PIGQ: variants seen among roughly 807,000 people sequenced by gnomAD.
PIGQ encodes the protein phosphatidylinositol glycan anchor biosynthesis class Q.
A neutral mutation model predicts 60.3 loss-of-function variants in PIGQ; 54 were observed. The ratio of observed to expected loss-of-function variants is 0.90; its 90% CI spans 0.72 to 1.12. The LOEUF (loss-of-function observed/expected upper bound fraction) is 1.12, where lower values mean the gene tolerates loss of function less well. PIGQ is among the 50% of genes most tolerant of loss of function. The pLI, the probability that PIGQ is intolerant of heterozygous loss-of-function variation, is 0.00. For synonymous variants in PIGQ, 416 were observed against 363.7 expected (o/e 1.14, Z -1.64); for missense variants, 799 against 793.5 (o/e 1.01, Z -0.08).
chr16:572,218 A>G (rs1025795847), intron 1 of PIGQ, among the ~76,000 whole-genome samples: 39 of 152,342 alleles, frequency 2.6e-4, no homozygotes, highest in African/African-American at 9.1e-4. Context: ...CCTTGCAGGC[A>G]GAATCACTTT....
chr16:582,910 G>C lies in PIGQ; in HGVS notation c.1621G>C (p.Val541Leu), dbSNP rs747221267. Residue 541 changes from valine (V) to leucine (L), a missense_variant, in exon 11 of 11, where the codon GTG (valine) becomes CTG (leucine). Coordinates refer to ENST00000321878, the MANE Select transcript of PIGQ (RefSeq NM_004204.5). Reference protein sequence around the residue: ...QINPLPYSRVVHTYRLPSCGC... With the variant: ...QINPLPYSRVLHTYRLPSCGC... ...AAACCCACTGCCCTACAGCCGCGTG[G>C]TGCACACCTACCGCCTCCCCAGCTG... The C allele has an allele frequency of 6.2e-7, 1 of 1,611,206 alleles. No individual in the cohort carries two copies. The highest frequency in any genetic ancestry group is 8.5e-7 in the Non-Finnish European group (1 of 1,179,128).
At position 575,716 on chromosome 16, in the gene PIGQ, A is replaced by G. The variant is rs563301112; in HGVS notation, c.690-123A>G. The stretch of plus-strand genomic sequence containing the variant: ...ACCTGGGCCACCGAGGGCCCCTCCC[A>G]CCTGCCCCCTGTCCTGCTGAGCTCA... On this transcript the variant is annotated intron_variant, in intron 2 of 10. Transcript: ENST00000321878. 6.5e-4 allele frequency: 698 copies of G among 1,080,798 alleles called. 12 individuals carry two copies. The South Asian group carries it at 0.01, about 16-fold the overall frequency. 67.0% of individuals were successfully genotyped at this position (1,080,798 alleles called of 1,614,324 possible).
chr16:571,433 C>CTT (rs1567173616), intron 1 of PIGQ, among the ~76,000 whole-genome samples: 1 of 70,922 alleles, frequency 1.4e-5, no homozygotes, highest in East Asian at 7.1e-4. Context: ...GTCTGGTTAG[C>CTT]CTGTGTGTGT....
chr16:574,246 G>C lies in PIGQ; in HGVS notation c.172G>C (p.Val58Leu), dbSNP rs1238585762. The C allele has an allele frequency of 1.2e-6, 2 of 1,609,842 alleles. No homozygotes were observed. Among genetic ancestry groups the C allele is most frequent in the East Asian group, 4.5e-5 (2 of 44,864 alleles). The part of the protein sequence containing the change: ...LLAQVRQASQ[V>L]GVAVLGTWCH... ...GGCCCAGGTGCGGCAGGCCAGCCAGGTGGGCGTGGCCGTGCTGGGCACCTG... is the reference window on the plus strand; with the variant it reads ...GGCCCAGGTGCGGCAGGCCAGCCAGCTGGGCGTGGCCGTGCTGGGCACCTG... The change falls in exon 2 of 11, where the codon GTG (valine) becomes CTG (leucine). Residue 58 changes from valine to leucine, a missense_variant. Transcript: ENST00000321878.
At chr16:571,681 ACCTCCTC>A (rs1359856891) in intron 1 of PIGQ, among the ~76,000 whole-genome samples, 1 of 149,886 alleles carries the variant, frequency 6.7e-6, no homozygotes, top group East Asian at 2.0e-4. Context: ...CCCGTCCCAT[ACCTCCTC>A]TGCTATCGAT....
At chr16:572,300 T>C (rs1324647073) in intron 1 of PIGQ, among the ~76,000 whole-genome samples, 3 of 152,200 alleles carry the variant, frequency 2.0e-5, no homozygotes, top group African/African-American at 7.2e-5. Context: ...CTGCCCTCTC[T>C]GACCACTGAG....
At chr16:582,856 C>T (rs746372851) in intron 10 of PIGQ, 27 bp from the exon 11 acceptor site, 1 of 1,573,152 alleles carries the variant, frequency 6.4e-7, no homozygotes, top group Non-Finnish European at 8.6e-7. Context: ...CAGACCACCC[C>T]ACTGACCGCT....
intron 2 of PIGQ, among the ~76,000 whole-genome samples, chr16:575,037 T>C (rs1460321907): frequency 6.6e-6 from 1 of 152,158 alleles, no homozygotes; most frequent in Non-Finnish European, 1.5e-5. Context: ...CCTCAGTGGC[T>C]TAGGTCCCTG....
At position 573,619 on chromosome 16, in the gene PIGQ, G is replaced by A. The variant is rs547081362; in HGVS notation, c.-9-447G>A. 4.6e-5 allele frequency among the ~76,000 whole-genome samples: 7 copies of A among 152,328 alleles called. 1 individual carries two copies. The highest frequency in any genetic ancestry group is 1.3e-4 in the Admixed American group (2 of 15,308). On this transcript the variant is annotated intron_variant, in intron 1 of 10. Transcript: ENST00000321878. ...ATGGTTTGTCAAGGTTTCAATTGGC[G>A]TGACCTTGCTAATGAGATTGTACAG...
intron 8 of PIGQ, 74 bp from the exon 9 acceptor site, chr16:580,784 C>T: frequency 2.6e-6 from 2 of 774,888 alleles, no homozygotes; most frequent in South Asian, 2.7e-5. Flanking sequence ...TTCATCGTGG[C>T]CCAGGATGGG....
In PIGQ at chr16:583,238, C is replaced by A. The variant is rs144109237; in HGVS notation, c.*203C>A. On this transcript the variant is annotated 3_prime_UTR_variant, in exon 11 of 11. Coordinates refer to ENST00000321878, the MANE Select transcript of PIGQ (RefSeq NM_004204.5). ...TGTGGGGGTGGCCAGCCAGGCTGGC[C>A]GCACTCCATCACTGGCACTGCCTGC... The A allele has an allele frequency of 2.5e-6, 4 of 1,612,906 alleles. No individual in the cohort carries two copies. The highest frequency in any genetic ancestry group is 2.2e-5 in the East Asian group (1 of 44,858).
intron 6 of PIGQ, 58 bp from the exon 7 acceptor site, chr16:579,010 TG>T: frequency 2.3e-6 from 1 of 426,894 alleles, no homozygotes; most frequent in Admixed American, 6.6e-5. Context: ...GGCGTTCGAG[TG>T]GGGCGGGGGC....
At position 574,044 on chromosome 16, in the gene PIGQ, A is replaced by C. The variant is rs575839799; in HGVS notation, c.-9-22A>C. 7.1e-4 allele frequency: 1,089 copies of C among 1,541,356 alleles called. 11 individuals carry two copies. In the African/African-American group the frequency reaches 0.01, roughly 15 times the overall value. ...GGGGGGCAGCAGCAGCTCTGAGCCG[A>C]GCCTCTCCTCTTCTCTTCCAGCCTC... On this transcript the variant is annotated intron_variant, in intron 1 of 10. Coordinates refer to ENST00000321878, the MANE Select transcript of PIGQ (RefSeq NM_004204.5).
chr16:580,962 C>A lies in PIGQ; in HGVS notation c.1521C>A (p.Tyr507Ter). 1.2e-6 allele frequency: 2 copies of A among 1,605,402 alleles called. No homozygotes were observed. The highest frequency in any genetic ancestry group is 1.7e-6 in the Non-Finnish European group (2 of 1,173,590). ...YSLGLRLCRP[Y>*]RLAAGVKFRV... ...TGGGTCTTCGGCTCTGCCGGCCCTA[C>A]AGGCTGGCGGGTAAGTGCTGCGTAT... Residue 507 changes from tyrosine to a stop codon, truncating the protein, a stop_gained, in exon 9 of 11, where the codon TAC becomes TAA. Coordinates refer to ENST00000321878, the MANE Select transcript of PIGQ (RefSeq NM_004204.5). LOFTEE classifies it high-confidence loss of function.
intron 4 of PIGQ, chr16:578,056 G>A: frequency 7.3e-6 from 2 of 272,346 alleles, no homozygotes; most frequent in Non-Finnish European, 1.4e-5. Context: ...TTGGGGCCGA[G>A]GGCTCCAGTG....
chr16:581,523 C>T (rs1309197348), intron 9 of PIGQ, among the ~76,000 whole-genome samples: 5 of 149,914 alleles, frequency 3.3e-5, no homozygotes, highest in African/African-American at 4.9e-5. Context: ...AGTGCAATGG[C>T]GCAATCTCGG....
At position 574,593 on chromosome 16, in the gene PIGQ, G is replaced by T; in HGVS notation, c.519G>T (p.Glu173Asp). 6.2e-7 allele frequency: 1 copy of T among 1,605,058 alleles called. No homozygotes were observed. Residue 173 changes from glutamate (E) to aspartate (D), a missense_variant, in exon 2 of 11, where the codon GAG (glutamate) becomes GAT (aspartate). Coordinates refer to ENST00000321878, the MANE Select transcript of PIGQ (RefSeq NM_004204.5). The stretch of plus-strand genomic sequence containing the variant: ...TCTTCGACACGGTAGCACGCAGTGA[G>T]GTGCTCTTCCGCAGTGACCGCTTTG... Reference protein sequence around the residue: ...AAVFDTVARSEVLFRSDRFDE... With the variant: ...AAVFDTVARSDVLFRSDRFDE...
At position 583,643 on chromosome 16, in the gene PIGQ, T is replaced by G. The variant is rs750114373; in HGVS notation, c.*608T>G. Reference sequence around the variant, plus strand: ...GAGAGGTCGCTTTGTGAAGAAACCATCAGCAGGCTGTGAGCATCGCCAGGC... The same window carrying G: ...GAGAGGTCGCTTTGTGAAGAAACCAGCAGCAGGCTGTGAGCATCGCCAGGC... On this transcript the variant is annotated 3_prime_UTR_variant, in exon 11 of 11. Transcript: ENST00000321878. The G allele has an allele frequency of 6.8e-6, 11 of 1,612,286 alleles. No individual in the cohort carries two copies. In the Admixed American group the frequency reaches 8.3e-5, roughly 12 times the overall value.
chr16:577,421 CA>C (rs750431466), intron 4 of PIGQ, among the ~76,000 whole-genome samples: 1 of 151,144 alleles, frequency 6.6e-6, no homozygotes, highest in Admixed American at 6.6e-5. Flanking sequence ...ACTAAAAATA[CA>C]AAAAATTAGC....
Sources: gnomAD v4.1 joint callset for allele counts (sites outside exome capture counted in the v4.1 genomes callset) on GRCh38, gnomAD v4.1.1 for gene constraint, MANE v1.5 for transcripts, NCBI Gene and HGNC (gene_info 2026-07-23, HGNC 2026-07-21) for gene names.